Variants in DZANK1 observed in about 807,000 individuals in gnomAD.
DZANK1 encodes double zinc ribbon and ankyrin repeat domains 1.
Under a neutral mutation model 94.5 loss-of-function variants are expected in DZANK1, and 91 were observed. The ratio of observed to expected loss-of-function variants is 0.96; its 90% confidence interval spans 0.81 to 1.15. DZANK1 has a LOEUF of 1.15. DZANK1 is among the 50% of genes most tolerant of loss of function. The probability of loss-of-function intolerance (pLI) is 0.00; values close to 1 mark genes in which losing one functional copy is unlikely to be tolerated. For synonymous variants in DZANK1, 312 were observed against 325.3 expected (o/e 0.96, Z 0.44); for missense variants, 903 against 916.4 (o/e 0.99, Z 0.19).
chr20:18,424,679 C>T (rs1166904351), intron 10 of DZANK1, among the ~76,000 whole-genome samples: 1 of 151,942 alleles, frequency 6.6e-6, no homozygotes. Flanking sequence ...ATTAAACATG[C>T]GTTTAAATAG....
intron 10 of DZANK1, among the ~76,000 whole-genome samples, chr20:18,422,829 G>A (rs1480790175): frequency 2.1e-5 from 2 of 95,816 alleles, no homozygotes; most frequent in East Asian, 4.6e-4. Context: ...AAATTGATTT[G>A]GCTATTCAGG....
chr20:18,423,238 T>C (rs558086893), intron 10 of DZANK1, among the ~76,000 whole-genome samples: 58 of 152,212 alleles, frequency 3.8e-4, no homozygotes, highest in Non-Finnish European at 7.8e-4. Context: ...GTACATGCCA[T>C]GATGCTAACA....
intron 7 of DZANK1, among the ~76,000 whole-genome samples, chr20:18,446,310 G>A (rs1301778153): frequency 6.6e-6 from 1 of 152,002 alleles, no homozygotes; most frequent in African/African-American, 2.4e-5. Flanking sequence ...AAGGCAGGAA[G>A]GAAAGAAAGA....
chr20:18,457,614 A>G (rs2059334440), intron 3 of DZANK1, among the ~76,000 whole-genome samples: 1 of 152,230 alleles, frequency 6.6e-6, no homozygotes, highest in Admixed American at 6.5e-5. Flanking sequence ...TGGTTACTCC[A>G]TCATTTCTAT....
intron 3 of DZANK1, among the ~76,000 whole-genome samples, chr20:18,457,444 T>C (rs987205108): frequency 4.6e-5 from 7 of 151,762 alleles, no homozygotes; most frequent in Non-Finnish European, 1.0e-4. Context: ...ACCACTACAC[T>C]CCAGTCTGGG....
At chr20:18,429,671 T>G (rs936362323) in intron 9 of DZANK1, among the ~76,000 whole-genome samples, 1 of 152,232 alleles carries the variant, frequency 6.6e-6, no homozygotes, top group African/African-American at 2.4e-5. Context: ...GCCCTCCTTC[T>G]TCTGAGATAC....
intron 2 of DZANK1, 122 bp downstream of exon 2, chr20:18,465,128 C>A: frequency 1.6e-6 from 1 of 639,194 alleles, no homozygotes; most frequent in Non-Finnish European, 2.6e-6. Context: ...AGAAGTTTTA[C>A]AAATTTCCCA....
chr20:18,434,489 G>T (rs1279736053), intron 8 of DZANK1, among the ~76,000 whole-genome samples: 1 of 146,776 alleles, frequency 6.8e-6, no homozygotes. Flanking sequence ...AGGTTGTAGT[G>T]AGCCGAGATC....
rs73121143 is a variant in DZANK1 at position 18,416,562 on chromosome 20, C to T, written c.955-1113G>A. Among the ~76,000 whole-genome samples, 1,428 of 152,268 alleles carry T rather than the reference C, an allele frequency of 9.4e-3. 10 individuals carry two copies. Among genetic ancestry groups the T allele is most frequent in the Middle Eastern group, 0.031 (9 of 294 alleles). Reference sequence around the variant, plus strand: ...TATGCCAGGCACAATACTAAGAACACGCACACCAGGGAAAACATTTGCTAA... The same window carrying T: ...TATGCCAGGCACAATACTAAGAACATGCACACCAGGGAAAACATTTGCTAA... On this transcript the variant is annotated intron_variant, in intron 10 of 20. Transcript: ENST00000262547.
intron 19 of DZANK1, among the ~76,000 whole-genome samples, chr20:18,386,128 C>A (rs2048481021): frequency 6.6e-6 from 1 of 152,226 alleles, no homozygotes; most frequent in South Asian, 2.1e-4. Context: ...GATGTGCCTG[C>A]AGCCATGCAT....
intron 3 of DZANK1, among the ~76,000 whole-genome samples, chr20:18,457,861 T>A (rs1215918574): frequency 6.6e-6 from 1 of 152,158 alleles, no homozygotes; most frequent in Admixed American, 6.5e-5. Context: ...GCCCTATTAT[T>A]AAAGGGAAAA....
chr20:18,438,481 T>C (rs377063544), intron 8 of DZANK1, among the ~76,000 whole-genome samples: 1 of 152,014 alleles, frequency 6.6e-6, no homozygotes, highest in African/African-American at 2.4e-5. Flanking sequence ...AGATTGAAAG[T>C]AAAAGCACAG....
At chr20:18,465,496 T>C (rs966313461) in intron 1 of DZANK1, 119 bp from the exon 2 acceptor site, 3 of 374,968 alleles carry the variant, frequency 8.0e-6, no homozygotes, top group South Asian at 1.1e-4. Flanking sequence ...ACTACAAATA[T>C]TATTCCCTTT....
intron 8 of DZANK1, among the ~76,000 whole-genome samples, chr20:18,443,081 A>G (rs1265232958): frequency 6.6e-6 from 1 of 152,216 alleles, no homozygotes; most frequent in Non-Finnish European, 1.5e-5. Flanking sequence ...ATGAGTAGGA[A>G]ACATTTATTT....
chr20:18,452,218 G>A (rs966345343), intron 6 of DZANK1, among the ~76,000 whole-genome samples: 3 of 152,066 alleles, frequency 2.0e-5, no homozygotes, highest in African/African-American at 4.8e-5. Flanking sequence ...TAGATACTCT[G>A]GCCCCAGCCA....
intron 2 of DZANK1, among the ~76,000 whole-genome samples, chr20:18,462,056 G>A (rs2059491142): frequency 6.6e-6 from 1 of 151,380 alleles, no homozygotes; most frequent in Non-Finnish European, 1.5e-5. Context: ...AATTTCCTAG[G>A]TTAAAAAAAA....
chr20:18,416,315 T>C (rs1429950121), intron 10 of DZANK1, among the ~76,000 whole-genome samples: 1 of 152,182 alleles, frequency 6.6e-6, no homozygotes, highest in East Asian at 1.9e-4. Context: ...GTTAAGTGGA[T>C]AGGAATGCTT....
intron 3 of DZANK1, among the ~76,000 whole-genome samples, chr20:18,459,647 A>G (rs1166871279): frequency 6.6e-6 from 1 of 152,184 alleles, no homozygotes; most frequent in East Asian, 1.9e-4. Context: ...GAAAATGGGA[A>G]AAAGTCATTA....
rs146902696 is a variant in DZANK1 at position 18,433,499 on chromosome 20, G to A, written c.861+153C>T. The stretch of plus-strand genomic sequence containing the variant: ...GGAGGTTGCAGTGAGCTGAGATTGC[G>A]CTACTGCACTCCAGCCTGTGTGACA... On this transcript the variant is annotated intron_variant, in intron 9 of 20. Transcript: ENST00000262547. 3.8e-3 allele frequency: 2,421 copies of A among 629,930 alleles called. 10 individuals are homozygous for A. Among genetic ancestry groups the A allele is most frequent in the Middle Eastern group, 5.6e-3 (13 of 2,334 alleles). 39.0% of individuals were successfully genotyped at this position (629,930 alleles called of 1,614,324 possible).
Sources: allele counts gnomAD v4.1 joint callset (sites outside exome capture counted in the v4.1 genomes callset), GRCh38; gene constraint gnomAD v4.1.1; transcripts MANE v1.5; gene names NCBI Gene and HGNC (gene_info 2026-07-23, HGNC 2026-07-21).